C12orf60: variants seen among roughly 807,000 people sequenced by gnomAD.
C12orf60 encodes chromosome 12 open reading frame 60.
For synonymous variants in C12orf60, 102 were observed against 94.6 expected (o/e 1.08, Z -0.45); for missense variants, 284 against 283.2 (o/e 1.00, Z -0.02).
intron 1 of C12orf60, among the ~76,000 whole-genome samples, chr12:14,808,394 G>A (rs184385878): frequency 2.0e-5 from 3 of 151,850 alleles, no homozygotes; most frequent in Admixed American, 2.0e-4. Flanking sequence ...TTACACTCTT[G>A]AGAGAAAAGA....
In C12orf60 at chr12:14,823,455, A is replaced by G; in HGVS notation, c.520A>G (p.Arg174Gly). 6.2e-7 allele frequency: 1 copy of G among 1,612,978 alleles called. No homozygotes were observed. The highest frequency in any genetic ancestry group is 1.1e-5 in the South Asian group (1 of 90,908). The change falls in exon 2 of 2, where the codon AGA becomes GGA. Residue 174 changes from arginine (R) to glycine (G), a missense_variant. Coordinates refer to ENST00000330828, the MANE Select transcript of C12orf60 (RefSeq NM_175874.4). The stretch of plus-strand genomic sequence containing the variant: ...AGATGTCACCACATCTGAGAGAACC[A>G]GAAGTCCTCCAGGTTCTTCCAAAAC... ...QSDVTTSERT[R>G]SPPGSSKTTM...
chr12:14,808,842 T>C (rs1950094597), intron 1 of C12orf60, among the ~76,000 whole-genome samples: 1 of 152,218 alleles, frequency 6.6e-6, no homozygotes, highest in Non-Finnish European at 1.5e-5. Context: ...AAACAATACT[T>C]AGAAAATTTC....
At chr12:14,811,478 C>T (rs1367497193) in intron 1 of C12orf60, among the ~76,000 whole-genome samples, 1 of 152,026 alleles carries the variant, frequency 6.6e-6, no homozygotes, top group Non-Finnish European at 1.5e-5. Flanking sequence ...TAAAAAATGA[C>T]AAAAAACATC....
In C12orf60 at chr12:14,805,942, A is replaced by C. The variant is rs1654263612; in HGVS notation, c.-25+2191A>C. 6 of 1,479,700 alleles carry C rather than the reference A, an allele frequency of 4.1e-6. No individual in the cohort carries two copies. The African/African-American group carries it at 5.6e-5, about 14-fold the overall frequency. The allele number at this position is 1,479,700 out of a possible 1,614,324, so 91.7% of individuals were successfully genotyped here. A position where few individuals can be genotyped will look rare whatever the true frequency, so the allele number is the denominator to read the frequency against. ...TATAGAAAATGAACCTAATCAAAGA[A>C]GCAAACACTGTTACTGAAAAGGAAG... On this transcript the variant is annotated intron_variant, in intron 1 of 1. Transcript: ENST00000330828.
At chr12:14,804,292 C>T (rs539257486) in intron 1 of C12orf60, among the ~76,000 whole-genome samples, 28 of 152,270 alleles carry the variant, frequency 1.8e-4, no homozygotes, top group Admixed American at 4.6e-4. Context: ...TCCCCTCTTT[C>T]CGTGAGTCAG....
rs981758957 is a variant in C12orf60 at position 14,822,978 on chromosome 12, G to A, written c.43G>A (p.Ala15Thr). Residue 15 changes from alanine to threonine, a missense_variant, in exon 2 of 2, where the codon GCT (alanine) becomes ACT (threonine). By Grantham distance (58) the Ala-to-Thr change is moderately conservative. Transcript: ENST00000330828. ...AAAGGATAAAGAGAGACTGATTCAA[G>A]CTGCCAAAATGTTCTTCTTTCATGT... ...SEKDKERLIQAAKMFFFHVQD... is the reference protein window; with the variant it reads ...SEKDKERLIQTAKMFFFHVQD... 9 of 1,606,072 alleles carry A rather than the reference G, an allele frequency of 5.6e-6. No individual in the cohort carries two copies. Among genetic ancestry groups the A allele is most frequent in the Non-Finnish European group, 7.7e-6 (9 of 1,174,032 alleles).
At chr12:14,806,798 G>A (rs918532740) in intron 1 of C12orf60, 2 of 1,036,164 alleles carry the variant, frequency 1.9e-6, no homozygotes, top group Non-Finnish European at 2.8e-6. Flanking sequence ...TAGCAAAGAA[G>A]CAAGATGCTG....
chr12:14,808,209 T>A (rs1001180256), intron 1 of C12orf60, among the ~76,000 whole-genome samples: 4 of 151,780 alleles, frequency 2.6e-5, no homozygotes, highest in African/African-American at 4.8e-5. Flanking sequence ...ATGAATAAAA[T>A]AAACTTGACA....
chr12:14,810,775 A>G (rs970458346), intron 1 of C12orf60, among the ~76,000 whole-genome samples: 4 of 152,182 alleles, frequency 2.6e-5, no homozygotes, highest in South Asian at 4.1e-4. Flanking sequence ...TGGGCACCAC[A>G]TGGAGAACCA....
At chr12:14,813,866 T>C (rs938074860) in intron 1 of C12orf60, among the ~76,000 whole-genome samples, 1 of 152,208 alleles carries the variant, frequency 6.6e-6, no homozygotes, top group African/African-American at 2.4e-5. Flanking sequence ...ATGTCTTTAC[T>C]GCTTCTCTTC....
intron 1 of C12orf60, chr12:14,805,812 C>T: frequency 1.5e-6 from 1 of 645,254 alleles, no homozygotes; most frequent in Non-Finnish European, 2.6e-6. Context: ...CTAGCATCAG[C>T]TGATCCAGGC....
In C12orf60 at chr12:14,809,481, C is replaced by G. The variant is rs551207124; in HGVS notation, c.-25+5730C>G. 5.3e-5 allele frequency among the ~76,000 whole-genome samples: 8 copies of G among 152,120 alleles called. No homozygotes were observed. The South Asian group carries it at 1.7e-3, about 32-fold the overall frequency. On this transcript the variant is annotated intron_variant, in intron 1 of 1. Coordinates refer to ENST00000330828, the MANE Select transcript of C12orf60 (RefSeq NM_175874.4). ...CAGTGAATTAATGGAACAAATTAGT[C>G]CCCAAAGCAGACCCTTCTATCTGTT...
At chr12:14,815,631 T>G (rs71532848) in intron 1 of C12orf60, among the ~76,000 whole-genome samples, 4,784 of 152,276 alleles carry the variant, frequency 0.031, 84 homozygotes, top group Middle Eastern at 0.082. Context: ...ATTTGGAGAT[T>G]TGGATTTCAG....
intron 1 of C12orf60, among the ~76,000 whole-genome samples, chr12:14,821,853 C>T (rs976562761): frequency 6.6e-6 from 1 of 151,814 alleles, no homozygotes; most frequent in Non-Finnish European, 1.5e-5. Context: ...AAGGTCACTA[C>T]CACCATCCCT....
intron 1 of C12orf60, among the ~76,000 whole-genome samples, chr12:14,804,263 G>A (rs1950013433): frequency 6.6e-6 from 1 of 151,936 alleles, no homozygotes; most frequent in South Asian, 2.1e-4. Flanking sequence ...TCTAGCCTTC[G>A]CCCTTTCCCT....
chr12:14,811,267 G>A (rs1007423180), intron 1 of C12orf60, among the ~76,000 whole-genome samples: 1 of 152,158 alleles, frequency 6.6e-6, no homozygotes, highest in Non-Finnish European at 1.5e-5. Context: ...GTGCCCTGGA[G>A]CAGCCCATTG....
intron 1 of C12orf60, chr12:14,806,711 G>T (rs1338989788): frequency 1.3e-6 from 2 of 1,543,066 alleles, no homozygotes; most frequent in South Asian, 2.5e-5. Flanking sequence ...AAAATAAAAT[G>T]GTAAATTTTT....
intron 1 of C12orf60, chr12:14,805,949 A>G (rs1950040887): frequency 1.3e-6 from 2 of 1,497,506 alleles, no homozygotes; most frequent in South Asian, 2.6e-5. Context: ...AGAAGCAAAC[A>G]CTGTTACTGA....
Position 14,823,802 on chromosome 12 carries a change from G to A in C12orf60, c.*129G>A. 1 of 738,698 alleles carries A rather than the reference G, an allele frequency of 1.4e-6. No homozygotes were observed. Among genetic ancestry groups the A allele is most frequent in the Admixed American group, 3.8e-5 (1 of 26,664 alleles). The allele number at this position is 738,698 out of a possible 1,614,324, so 45.8% of individuals were successfully genotyped here. On this transcript the variant is annotated 3_prime_UTR_variant, in exon 2 of 2. Coordinates refer to ENST00000330828, the MANE Select transcript of C12orf60 (RefSeq NM_175874.4). ...GAACATAAGTACACAAAAGTCATCT[G>A]GCAAAACATTTACCTGTAGTTTTGC...
Sources: gnomAD v4.1 joint callset for allele counts (sites outside exome capture counted in the v4.1 genomes callset) on GRCh38, gnomAD v4.1.1 for gene constraint, MANE v1.5 for transcripts, NCBI Gene and HGNC (gene_info 2026-07-23, HGNC 2026-07-21) for gene names.